ANK2: variants seen among roughly 807,000 people sequenced by gnomAD.
The protein encoded by ANK2 is ankyrin 2, also known as ankyrin-2.
A neutral mutation model predicts 360.5 loss-of-function variants in ANK2; 83 were observed. That is an observed-to-expected ratio of 0.23 (90% CI 0.19 to 0.28). The LOEUF is 0.28. Among genes scored for constraint, ANK2 ranks in the 10% least tolerant of loss-of-function variants. ANK2 has a pLI of 1.00. For synonymous variants in ANK2, 1,740 were observed against 1,759.5 expected (o/e 0.99, Z 0.28); for missense variants, 4,201 against 4,795.7 (o/e 0.88, Z 3.66).
At chr4:113,274,954 A>G (rs2059700000) in intron 15 of ANK2, among the ~76,000 whole-genome samples, 1 of 152,210 alleles carries the variant, frequency 6.6e-6, no homozygotes, top group Non-Finnish European at 1.5e-5. Flanking sequence ...TATTCTTAAG[A>G]AAAAGATAAA....
intron 2 of ANK2, among the ~76,000 whole-genome samples, chr4:112,950,912 C>A (rs921595705): frequency 9.3e-5 from 14 of 150,558 alleles, no homozygotes; most frequent in South Asian, 2.1e-4. Flanking sequence ...GAAACCCCGT[C>A]TCTACTAAAA....
At chr4:113,374,813 C>A in intron 45 of ANK2, 1 of 1,248,350 alleles carries the variant, frequency 8.0e-7, no homozygotes, top group Non-Finnish European at 1.0e-6. Context: ...CAATTTCAGG[C>A]TGAGCCAGTG....
chr4:113,349,531 C>T (rs1227245599), intron 36 of ANK2, among the ~76,000 whole-genome samples: 1 of 152,068 alleles, frequency 6.6e-6, no homozygotes, highest in African/African-American at 2.4e-5. Flanking sequence ...TATAGAAGCA[C>T]TGTCCTGCCG....
chr4:113,264,297 C>T (rs753897894), intron 13 of ANK2, among the ~76,000 whole-genome samples: 7 of 152,068 alleles, frequency 4.6e-5, no homozygotes, highest in East Asian at 1.9e-4. Context: ...TTTTTTGCAA[C>T]GTGTTGATCT....
chr4:113,328,966 C>T (rs1420846272), intron 26 of ANK2, among the ~76,000 whole-genome samples: 1 of 152,114 alleles, frequency 6.6e-6, no homozygotes, highest in African/African-American at 2.4e-5. Context: ...GAGGCAATAT[C>T]TAGGTGGGAC....
intron 2 of ANK2, among the ~76,000 whole-genome samples, chr4:112,922,053 A>C (rs2091666462): frequency 6.6e-6 from 1 of 152,208 alleles, no homozygotes; most frequent in African/African-American, 2.4e-5. Context: ...GTTCCTTTTG[A>C]TTCAAATATT....
the ANK2 span, among the ~76,000 whole-genome samples, chr4:112,744,967 A>G: frequency 6.6e-6 from 1 of 152,002 alleles, no homozygotes; most frequent in Non-Finnish European, 1.5e-5. Context: ...AGTCTTTGTC[A>G]TTTTCTATTG....
At chr4:112,949,257 T>C (rs1167446565) in intron 2 of ANK2, among the ~76,000 whole-genome samples, 1 of 152,188 alleles carries the variant, frequency 6.6e-6, no homozygotes, top group Admixed American at 6.5e-5. Flanking sequence ...GTTCACTTGG[T>C]CCCTTCTTTT....
intron 4 of ANK2, among the ~76,000 whole-genome samples, chr4:113,229,333 C>T (rs571165578): frequency 2.6e-5 from 4 of 152,276 alleles, no homozygotes; most frequent in East Asian, 1.9e-4. Flanking sequence ...ATCACGGCCC[C>T]GTTCTCCATC....
At chr4:113,161,789 A>G (rs1562522890) in intron 1 of ANK2, among the ~76,000 whole-genome samples, 1 of 150,490 alleles carries the variant, frequency 6.6e-6, no homozygotes, top group Admixed American at 6.7e-5. Context: ...CTGGTATTTC[A>G]TTAAATATGT....
the ANK2 span, among the ~76,000 whole-genome samples, chr4:112,793,171 C>A: frequency 6.6e-6 from 1 of 151,990 alleles, no homozygotes; most frequent in Non-Finnish European, 1.5e-5. Context: ...TTTGTTAAAT[C>A]ATTTTGTCAA....
At position 113,001,262 on chromosome 4, in the gene ANK2, C is replaced by T. The variant is rs1026286820; in HGVS notation, c.21+96748C>T. Among the ~76,000 whole-genome samples, 4 of 137,622 alleles carry T rather than the reference C, an allele frequency of 2.9e-5. No individual in the cohort carries two copies. The East Asian group carries it at 6.6e-4, about 23-fold the overall frequency. The allele number at this position is 137,622 out of a possible 152,430, so 90.3% of individuals were successfully genotyped here. A position where few individuals can be genotyped will look rare whatever the true frequency, so the allele number is the denominator to read the frequency against. ...AGGAGAATCGCTTGAACCTGGGAGG[C>T]GGAGGTTGCAGTGAGCCGAGATCCC... On this transcript the variant is annotated intron_variant, in intron 2 of 30. Coordinates refer to the ANK2 transcript ENST00000503271.
chr4:112,909,352 A>G (rs2086314940), intron 2 of ANK2, among the ~76,000 whole-genome samples: 1 of 152,216 alleles, frequency 6.6e-6, no homozygotes, highest in Admixed American at 6.5e-5. Context: ...GAACATACAT[A>G]ATTGGGAGTA....
intron 2 of ANK2, among the ~76,000 whole-genome samples, chr4:112,978,973 G>A (rs1228684134): frequency 6.6e-6 from 1 of 152,148 alleles, no homozygotes; most frequent in Non-Finnish European, 1.5e-5. Flanking sequence ...CTGGGACCAG[G>A]TGTTCATATT....
intron 1 of ANK2, among the ~76,000 whole-genome samples, chr4:112,873,806 T>G (rs1009661435): frequency 1.9e-4 from 29 of 151,784 alleles, no homozygotes; most frequent in African/African-American, 7.0e-4. Flanking sequence ...CCTCCCAAAG[T>G]GCTGGGATTA....
chr4:113,252,792 C>A (rs1424130389), intron 10 of ANK2, among the ~76,000 whole-genome samples: 1 of 152,142 alleles, frequency 6.6e-6, no homozygotes. Context: ...GCATTTCACT[C>A]AATTAAATTC....
chr4:112,758,998 T>C, the ANK2 span, among the ~76,000 whole-genome samples: 1 of 152,292 alleles, frequency 6.6e-6, no homozygotes, highest in South Asian at 2.1e-4. Flanking sequence ...TATCTTCCTA[T>C]GGTCCTTTTT....
chr4:113,196,365 C>T lies in ANK2; in HGVS notation c.187-3C>T. 6.2e-7 allele frequency: 1 copy of T among 1,612,596 alleles called. No homozygotes were observed. On this transcript the variant is annotated splice_region_variant and splice_polypyrimidine_tract_variant and intron_variant, in intron 2 of 45. Transcript: ENST00000357077. ...TTAAAGCCTTGTTTGTTTCTTCTCTCAGAATGGACTCAACGCTCTCCATCT... is the reference window on the plus strand; with the variant it reads ...TTAAAGCCTTGTTTGTTTCTTCTCTTAGAATGGACTCAACGCTCTCCATCT...
chr4:113,237,724 G>T, intron 7 of ANK2, 102 bp downstream of exon 7: 1 of 1,085,672 alleles, frequency 9.2e-7, no homozygotes, highest in South Asian at 1.3e-5. Flanking sequence ...TTAGAAGTTT[G>T]ATTAATGGGA....
Sources: allele counts gnomAD v4.1 joint callset (sites outside exome capture counted in the v4.1 genomes callset), GRCh38; gene constraint gnomAD v4.1.1; transcripts MANE v1.5; gene names NCBI Gene and HGNC (gene_info 2026-07-23, HGNC 2026-07-21).